Variants in ANK2 observed in about 807,000 individuals in gnomAD.
ANK2 encodes the protein ankyrin 2, also known as ankyrin-2.
In ANK2, 83 loss-of-function variants were observed where a neutral mutation model predicts 360.5. The observed-to-expected ratio is 0.23, with a 90% confidence interval of 0.19 to 0.28. ANK2 has a LOEUF of 0.28. Among genes scored for constraint, ANK2 ranks in the 10% least tolerant of loss-of-function variants. The pLI is 1.00. For synonymous variants in ANK2, 1,740 were observed against 1,759.5 expected, an observed-to-expected ratio of 0.99 and a Z score of 0.28; for missense variants, 4,201 against 4,795.7, an observed-to-expected ratio of 0.88 and a Z score of 3.66.
Position 113,369,610 on chromosome 4 carries a change from AGAG to A in ANK2, c.11422_11424del (p.Glu3808del). On this transcript the variant is annotated inframe_deletion, in exon 43 of 46. Coordinates refer to ENST00000357077, the MANE Select transcript of ANK2 (RefSeq NM_001148.6). ...CACCTGAGGAAGTTAGCACCCCTGC[AGAG>A]GAGGAGAAGCTGTACCTCCAGACCC... The A allele has an allele frequency of 2.5e-6, 4 of 1,614,158 alleles. No homozygotes were observed. Among genetic ancestry groups the A allele is most frequent in the Non-Finnish European group, 3.4e-6 (4 of 1,180,014 alleles).
At chr4:112,822,287 A>G (rs1201540430) in intron 1 of ANK2, among the ~76,000 whole-genome samples, 2 of 149,494 alleles carry the variant, frequency 1.3e-5, no homozygotes, top group Admixed American at 1.3e-4. Flanking sequence ...GCGTGGTGGC[A>G]TGTGCCTGTA....
chr4:113,060,333 T>G (rs972625891), intron 1 of ANK2, among the ~76,000 whole-genome samples: 2 of 152,116 alleles, frequency 1.3e-5, no homozygotes, highest in African/African-American at 4.8e-5. Flanking sequence ...GATTAGTATA[T>G]CTACATGCCA....
intron 1 of ANK2, among the ~76,000 whole-genome samples, chr4:112,883,334 C>T (rs978787978): frequency 1.2e-4 from 18 of 151,996 alleles, no homozygotes; most frequent in African/African-American, 4.3e-4. Flanking sequence ...CCACCGCACC[C>T]GGCCTGCTTG....
At chr4:113,238,877 C>A (rs569729068) in intron 7 of ANK2, among the ~76,000 whole-genome samples, 1 of 152,234 alleles carries the variant, frequency 6.6e-6, no homozygotes, top group Non-Finnish European at 1.5e-5. Context: ...TATGAATGAT[C>A]AGTGAGGCTG....
At chr4:112,819,283 G>A (rs1034004350) in intron 1 of ANK2, among the ~76,000 whole-genome samples, 9 of 152,174 alleles carry the variant, frequency 5.9e-5, no homozygotes, top group African/African-American at 1.9e-4. Context: ...TAGAGTTCTA[G>A]GTCAAGGTGT....
chr4:113,104,981 G>A (rs2093435296), intron 1 of ANK2, among the ~76,000 whole-genome samples: 1 of 151,922 alleles, frequency 6.6e-6, no homozygotes, highest in Admixed American at 6.6e-5. Context: ...TGATGGTTGT[G>A]GTAACCCTAG....
chr4:113,054,896 T>C (rs2068845687), intron 1 of ANK2, among the ~76,000 whole-genome samples: 1 of 152,196 alleles, frequency 6.6e-6, no homozygotes, highest in Non-Finnish European at 1.5e-5. Flanking sequence ...CACTGATAAT[T>C]TCATGTCTTA....
chr4:113,375,912 T>G (rs2096914621), intron 45 of ANK2, among the ~76,000 whole-genome samples: 1 of 152,136 alleles, frequency 6.6e-6, no homozygotes. Context: ...AGAGTGAATG[T>G]TTTAGTGACA....
At chr4:112,768,991 A>G in the ANK2 span, among the ~76,000 whole-genome samples, 1 of 152,238 alleles carries the variant, frequency 6.6e-6, no homozygotes, top group Non-Finnish European at 1.5e-5. Context: ...GCTTAAAATA[A>G]TAATAATCAT....
chr4:113,069,866 C>T (rs1056213049), intron 1 of ANK2: 1 of 152,226 alleles, frequency 6.6e-6, no homozygotes, highest in Non-Finnish European at 1.5e-5. Flanking sequence ...ATTCTTCATG[C>T]TTGACTCTAA....
the ANK2 span, among the ~76,000 whole-genome samples, chr4:112,745,641 C>T: frequency 6.7e-6 from 1 of 148,598 alleles, no homozygotes; most frequent in East Asian, 2.0e-4. Context: ...TCAAGTGATT[C>T]TCCTGCCTCA....
At chr4:113,092,361 A>G (rs1182544008) in intron 1 of ANK2, among the ~76,000 whole-genome samples, 2 of 152,240 alleles carry the variant, frequency 1.3e-5, no homozygotes, top group Non-Finnish European at 2.9e-5. Flanking sequence ...GTGAGAAGTC[A>G]CTTGGTGTAG....
intron 37 of ANK2, among the ~76,000 whole-genome samples, 184 bp from the exon 38 acceptor site, chr4:113,352,860 TC>T (rs1563983365): frequency 6.6e-6 from 1 of 152,116 alleles, no homozygotes; most frequent in Admixed American, 6.6e-5. Context: ...GTTTTTTTTT[TC>T]GTTAGCCTTG....
At chr4:113,165,516 C>T (rs2097719858) in intron 1 of ANK2, among the ~76,000 whole-genome samples, 1 of 152,046 alleles carries the variant, frequency 6.6e-6, no homozygotes, top group Admixed American at 6.6e-5. Flanking sequence ...GAACATAAAA[C>T]AGTAAGCAGA....
chr4:112,804,263 G>C, the ANK2 span, among the ~76,000 whole-genome samples: 1 of 152,102 alleles, frequency 6.6e-6, no homozygotes, highest in East Asian at 1.9e-4. Flanking sequence ...CTTGTGATCT[G>C]CGCACCTCGG....
At chr4:113,129,979 T>G (rs1474964997) in intron 1 of ANK2, among the ~76,000 whole-genome samples, 1 of 152,220 alleles carries the variant, frequency 6.6e-6, no homozygotes, top group Non-Finnish European at 1.5e-5. Context: ...TTATTTAGTT[T>G]GAATTACTTA....
At chr4:112,936,961 T>C (rs1410053587) in intron 2 of ANK2, among the ~76,000 whole-genome samples, 2 of 152,054 alleles carry the variant, frequency 1.3e-5, no homozygotes, top group African/African-American at 4.8e-5. Flanking sequence ...CTAATTTTTT[T>C]AGTTTTTATT....
intron 2 of ANK2, among the ~76,000 whole-genome samples, chr4:112,965,728 C>A (rs1283362391): frequency 6.6e-6 from 1 of 152,116 alleles, no homozygotes; most frequent in East Asian, 1.9e-4. Flanking sequence ...AAGAGACTGT[C>A]ATTTCTTTAA....
the ANK2 span, among the ~76,000 whole-genome samples, chr4:112,800,126 G>A: frequency 1.3e-5 from 2 of 152,140 alleles, no homozygotes; most frequent in African/African-American, 2.4e-5. Flanking sequence ...TTCAAATTTC[G>A]GCAAAATGTG....
Sources: allele counts gnomAD v4.1 joint callset (sites outside exome capture counted in the v4.1 genomes callset), GRCh38; gene constraint gnomAD v4.1.1; transcripts MANE v1.5; gene names NCBI Gene and HGNC (gene_info 2026-07-23, HGNC 2026-07-21).